The following FBXO28 variants were observed in gnomAD, a reference collection of about 807,000 sequenced individuals.
FBXO28 encodes F-box only protein 28.
Under a neutral mutation model 38.1 loss-of-function variants are expected in FBXO28, and 8 were observed. The observed-to-expected ratio is 0.21, with a 90% CI of 0.12 to 0.38. The LOEUF (loss-of-function observed/expected upper bound fraction) is 0.38, where lower values mean the gene tolerates loss of function less well. Among genes scored for constraint, FBXO28 ranks in the 10% least tolerant of loss-of-function variants. FBXO28 has a pLI of 1.00. For missense variants in FBXO28, 345 were observed against 460.6 expected (o/e 0.75, Z 2.30); for synonymous variants, 168 against 173.8 (o/e 0.97, Z 0.26).
chr1:224,122,767 C>T (rs1441870875), intron 1 of FBXO28, among the ~76,000 whole-genome samples: 3 of 152,136 alleles, frequency 2.0e-5, no homozygotes, highest in East Asian at 1.9e-4. Context: ...GAAGGTCTTG[C>T]GCTAGCTCCA....
At chr1:224,133,476 T>G (rs1657101976) in intron 2 of FBXO28, among the ~76,000 whole-genome samples, 1 of 152,188 alleles carries the variant, frequency 6.6e-6, no homozygotes, top group Admixed American at 6.6e-5. Context: ...CTAATTTCTT[T>G]GGTTCTAATA....
chr1:224,116,343 T>G (rs567581036), intron 1 of FBXO28, among the ~76,000 whole-genome samples: 20 of 152,322 alleles, frequency 1.3e-4, no homozygotes, highest in South Asian at 1.0e-3. Context: ...AATTTAATTA[T>G]GATCTTTTCT....
At chr1:224,117,368 A>G (rs1023816823) in intron 1 of FBXO28, among the ~76,000 whole-genome samples, 1 of 151,922 alleles carries the variant, frequency 6.6e-6, no homozygotes, top group Non-Finnish European at 1.5e-5. Context: ...GGGTTTCACC[A>G]TGTTGCCCAG....
chr1:224,120,573 C>A (rs1257704615), intron 1 of FBXO28, among the ~76,000 whole-genome samples: 1 of 152,126 alleles, frequency 6.6e-6, no homozygotes, highest in Non-Finnish European at 1.5e-5. Flanking sequence ...AAATATATGT[C>A]ATTGTAGGGC....
chr1:224,133,579 G>T (rs1384104419), intron 2 of FBXO28, among the ~76,000 whole-genome samples: 1 of 152,054 alleles, frequency 6.6e-6, no homozygotes, highest in East Asian at 1.9e-4. Flanking sequence ...TGCAAGTGGT[G>T]CAGTCTTGGT....
At chr1:224,135,611 CAAAAAAAAAA>C (rs71168313) in intron 3 of FBXO28, among the ~76,000 whole-genome samples, 134 of 110,770 alleles carry the variant, frequency 1.2e-3, no homozygotes, top group Middle Eastern at 5.7e-3. Context: ...GACTCTGTCT[CAAAAAAAAAA>C]AAAAAAAAAA....
At chr1:224,143,303 T>C (rs547129276) in intron 3 of FBXO28, among the ~76,000 whole-genome samples, 4 of 152,154 alleles carry the variant, frequency 2.6e-5, no homozygotes, top group African/African-American at 9.6e-5. Context: ...ATTCTCCATA[T>C]ATCTGCATGA....
At position 224,120,909 on chromosome 1, in the gene FBXO28, G is replaced by A. The variant is rs554379915; in HGVS notation, c.267+6513G>A. 5.7e-4 allele frequency among the ~76,000 whole-genome samples: 86 copies of A among 150,286 alleles called. 3 individuals are homozygous for A. In the South Asian group the frequency reaches 0.017, roughly 30 times the overall value. On this transcript the variant is annotated intron_variant, in intron 1 of 4. Transcript: ENST00000366862. ...GAAAGAAAAGAAAATGTATGTCATT[G>A]TAAGATAAATGTTTTCTGTATAAAC... is the stretch of plus-strand genomic sequence containing the variant.
At chr1:224,118,656 T>C (rs1656701256) in intron 1 of FBXO28, among the ~76,000 whole-genome samples, 1 of 152,032 alleles carries the variant, frequency 6.6e-6, no homozygotes. Context: ...AAATTTTAGT[T>C]ATAGAGTGGG....
At chr1:224,116,586 T>A (rs1029076058) in intron 1 of FBXO28, among the ~76,000 whole-genome samples, 1 of 152,180 alleles carries the variant, frequency 6.6e-6, no homozygotes, top group Non-Finnish European at 1.5e-5. Context: ...AAGCTAAATG[T>A]CAGTTGTTAG....
intron 1 of FBXO28, among the ~76,000 whole-genome samples, chr1:224,124,194 G>A (rs931478409): frequency 5.9e-5 from 9 of 152,156 alleles, no homozygotes; most frequent in African/African-American, 1.9e-4. Context: ...GCATTATTAA[G>A]AAGGACCATG....
chr1:224,130,406 A>T, intron 1 of FBXO28, 66 bp from the exon 2 acceptor site: 1 of 1,011,730 alleles, frequency 9.9e-7, no homozygotes, highest in Non-Finnish European at 1.6e-6. Context: ...TTAAGCCATC[A>T]GTTATGAGTC....
Position 224,161,055 on chromosome 1 carries a change from A to G in FBXO28, c.*3309A>G, listed in dbSNP as rs1269538083. 1 of 152,208 alleles carries G rather than the reference A, an allele frequency of 6.6e-6. No individual in the cohort carries two copies. The highest frequency in any genetic ancestry group is 1.5e-5 in the Non-Finnish European group (1 of 68,022). The allele number at this position is 152,208 out of a possible 1,614,324, so 9.4% of individuals were successfully genotyped here. On this transcript the variant is annotated 3_prime_UTR_variant, in exon 5 of 5. Transcript: ENST00000366862. ...ACTTTAATCTCCAAAGAAACGATGT[A>G]TGATGTCCCACTTGTTCCTTATTCT...
At chr1:224,130,128 G>A (rs1657001903) in intron 1 of FBXO28, among the ~76,000 whole-genome samples, 1 of 152,178 alleles carries the variant, frequency 6.6e-6, no homozygotes. Context: ...GATCACTTGA[G>A]GTCAGAAGTT....
chr1:224,136,101 G>GTTTTTTCTTTTTTTTTTTTTTTTTT (rs1657176924), intron 3 of FBXO28, among the ~76,000 whole-genome samples: 1 of 75,114 alleles, frequency 1.3e-5, no homozygotes, highest in African/African-American at 5.6e-5. Flanking sequence ...GTTGACTTCA[G>GTTTTTTCTTTTTTTTTTTTTTTTTT]TTTTTTTTTT....
At chr1:224,114,509 G>C in intron 1 of FBXO28, 113 bp downstream of exon 1, 4 of 922,910 alleles carry the variant, frequency 4.3e-6, no homozygotes, top group Non-Finnish European at 6.4e-6. Flanking sequence ...GCCGGCTACA[G>C]ATCTGGGAGG....
intron 4 of FBXO28, among the ~76,000 whole-genome samples, chr1:224,155,141 A>G (rs554578259): frequency 1.1e-4 from 17 of 152,168 alleles, no homozygotes; most frequent in Non-Finnish European, 7.4e-5. Flanking sequence ...TCAGCCCCCA[A>G]AGTGTCTGCC....
intron 3 of FBXO28, among the ~76,000 whole-genome samples, chr1:224,144,153 C>CAAAA (rs34850766): frequency 7.3e-6 from 1 of 137,016 alleles, no homozygotes; most frequent in African/African-American, 2.7e-5. Flanking sequence ...AACTATGTCT[C>CAAAA]AAAAAAAAAA....
rs1307566102 is a variant in FBXO28 at position 224,128,221 on chromosome 1, A to G, written c.268-2251A>G. Among the ~76,000 whole-genome samples, 20 of 7,726 alleles carry G rather than the reference A, an allele frequency of 2.6e-3. No homozygotes were observed. The Admixed American group carries it at 0.059, about 23-fold the overall frequency. 5.1% of individuals were successfully genotyped at this position (7,726 alleles called of 152,430 possible). On this transcript the variant is annotated intron_variant, in intron 1 of 4. Coordinates refer to ENST00000366862, the MANE Select transcript of FBXO28 (RefSeq NM_015176.4). ...AGCATAAGACAGATCCTAACTGTCCATGTCTTTTTTTATTATTATTATTAT... is the reference window on the plus strand; with the variant it reads ...AGCATAAGACAGATCCTAACTGTCCGTGTCTTTTTTTATTATTATTATTAT...
Sources: gnomAD v4.1 joint callset for allele counts (sites outside exome capture counted in the v4.1 genomes callset) on GRCh38, gnomAD v4.1.1 for gene constraint, MANE v1.5 for transcripts, NCBI Gene and HGNC (gene_info 2026-07-23, HGNC 2026-07-21) for gene names.